The following TBX1 variants were observed in gnomAD, a reference collection of about 807,000 sequenced individuals.
TBX1 encodes the protein T-box transcription factor 1, also known as T-box transcription factor TBX1.
TBX1 carries 16 observed loss-of-function variants against 40.8 expected under a neutral mutation model. The ratio of observed to expected loss-of-function variants is 0.39; its 90% CI spans 0.27 to 0.60. TBX1 has a LOEUF of 0.60. Among genes scored for constraint, TBX1 ranks in the 20% least tolerant of loss-of-function variants. TBX1 has a pLI of 0.51. For missense variants in TBX1, 755 were observed against 728.5 expected, an observed-to-expected ratio of 1.04 and a Z score of -0.42; for synonymous variants, 403 against 336.8, an observed-to-expected ratio of 1.20 and a Z score of -2.15.
rs1936874377 is a variant in TBX1 at position 19,766,807 on chromosome 22, C to T, written c.1455C>T (p.Ala485=). ...AAAAAAAAAA[A]NMYSSAGAAP... is the part of the protein sequence containing the mutation. ...CCGCTGCCGCAGCTGCCGCGGCCGC[C>T]AACATGTACTCGTCGGCCGGAGCCG... The change falls in exon 7 of 7, where the codon GCC becomes GCT. Residue 485 remains alanine (A), a synonymous_variant. Coordinates refer to ENST00000649276, the MANE Select transcript of TBX1 (RefSeq NM_001379200.1). 6.5e-7 allele frequency: 1 copy of T among 1,536,118 alleles called. No individual in the cohort carries two copies. The highest frequency in any genetic ancestry group is 8.7e-7 in the Non-Finnish European group (1 of 1,155,614).
chr22:19,771,950 G>A (rs534487604), downstream of TBX1, among the ~76,000 whole-genome samples: 22 of 152,304 alleles, frequency 1.4e-4, no homozygotes, highest in South Asian at 4.4e-3. Flanking sequence ...TGGTGACTCC[G>A]GCTTCTGTCT....
upstream of TBX1, among the ~76,000 whole-genome samples, chr22:19,758,025 A>G (rs997694947): frequency 6.6e-5 from 10 of 152,094 alleles, no homozygotes; most frequent in African/African-American, 2.4e-4. Context: ...CACTATTCGT[A>G]TACTCACCCA....
chr22:19,768,279 C>T (rs1191263801), downstream of TBX1, among the ~76,000 whole-genome samples: 1 of 152,202 alleles, frequency 6.6e-6, no homozygotes, highest in African/African-American at 2.4e-5. Flanking sequence ...AGCCTGAGTG[C>T]CACCTCTCCG....
chr22:19,769,888 TGG>T (rs1936959643), downstream of TBX1, among the ~76,000 whole-genome samples: 1 of 152,266 alleles, frequency 6.6e-6, no homozygotes, highest in Non-Finnish European at 1.5e-5. Flanking sequence ...ACCGGGCCTA[TGG>T]TCATTTGTCC....
chr22:19,760,647 G>T (rs1337824189), upstream of TBX1, among the ~76,000 whole-genome samples: 2 of 104,516 alleles, frequency 1.9e-5, no homozygotes, highest in Admixed American at 1.7e-4. Flanking sequence ...GAGGGCCGGG[G>T]GAGGGATCTA....
chr22:19,774,123 G>A (rs1937030650), intron 8 of TBX1, among the ~76,000 whole-genome samples: 1 of 152,226 alleles, frequency 6.6e-6, no homozygotes, highest in Non-Finnish European at 1.5e-5. Context: ...AGGACATGGA[G>A]CCCCTGGAAG....
chr22:19,774,751 G>T (rs1937039779), intron 8 of TBX1, among the ~76,000 whole-genome samples: 1 of 152,188 alleles, frequency 6.6e-6, no homozygotes, highest in African/African-American at 2.4e-5. Context: ...AATTCCACTT[G>T]CATGAGGCAC....
At chr22:19,764,486 G>C (rs1486145803) in intron 3 of TBX1, among the ~76,000 whole-genome samples, 160 bp downstream of exon 3, 1 of 152,244 alleles carries the variant, frequency 6.6e-6, no homozygotes, top group African/African-American at 2.4e-5. Context: ...TGCGAGGCTA[G>C]AGGCTGAGGC....
chr22:19,764,064 C>T (rs1466702038), intron 2 of TBX1, 91 bp from the exon 3 acceptor site: 2 of 1,478,296 alleles, frequency 1.4e-6, no homozygotes, highest in Non-Finnish European at 1.9e-6. Context: ...GGGGAAACTT[C>T]TCAAAGGCAC....
chr22:19,769,786 G>A (rs1226345565), downstream of TBX1, among the ~76,000 whole-genome samples: 1 of 152,230 alleles, frequency 6.6e-6, no homozygotes, highest in African/African-American at 2.4e-5. Flanking sequence ...CGAGCGTGGA[G>A]TCCTCATGAG....
chr22:19,781,391 G>A (rs940864933), downstream of TBX1, among the ~76,000 whole-genome samples: 3 of 152,022 alleles, frequency 2.0e-5, no homozygotes, highest in South Asian at 2.1e-4. Flanking sequence ...TTTTTGAATC[G>A]GCTTTTTTGT....
intron 1 of TBX1, among the ~76,000 whole-genome samples, chr22:19,762,133 G>GT (rs1224264799): frequency 6.6e-6 from 1 of 152,226 alleles, no homozygotes; most frequent in Non-Finnish European, 1.5e-5. Flanking sequence ...CAGCTCTGTG[G>GT]TTTTTTTCCA....
chr22:19,772,390 C>G (rs899248868), intron 8 of TBX1, among the ~76,000 whole-genome samples: 3 of 152,110 alleles, frequency 2.0e-5, no homozygotes, highest in African/African-American at 7.2e-5. Context: ...ACTGTAGCCT[C>G]GAACTCCGGG....
At chr22:19,775,649 A>G (rs1937053316) in intron 8 of TBX1, among the ~76,000 whole-genome samples, 1 of 152,172 alleles carries the variant, frequency 6.6e-6, no homozygotes, top group South Asian at 2.1e-4. Context: ...TCGGAACCAC[A>G]GGTCCGGAGC....
At chr22:19,778,226 C>T (rs1046479775) in intron 8 of TBX1, among the ~76,000 whole-genome samples, 8 of 151,764 alleles carry the variant, frequency 5.3e-5, no homozygotes, top group African/African-American at 1.9e-4. Context: ...TCCCGAACAG[C>T]TAGGACTACA....
At chr22:19,764,065 T>A in intron 2 of TBX1, 90 bp from the exon 3 acceptor site, 1 of 1,484,912 alleles carries the variant, frequency 6.7e-7, no homozygotes, top group Non-Finnish European at 9.3e-7. Flanking sequence ...GGGAAACTTC[T>A]CAAAGGCACT....
chr22:19,757,083 G>A (rs1180929041), upstream of TBX1, among the ~76,000 whole-genome samples: 1 of 152,210 alleles, frequency 6.6e-6, no homozygotes, highest in Non-Finnish European at 1.5e-5. Context: ...AGGGCTCCTG[G>A]AGGGTCCCAG....
Position 19,766,758 on chromosome 22 carries a change from G to A in TBX1, c.1406G>A (p.Ser469Asn). The change falls in exon 7 of 7, where the codon AGT becomes AAT. Residue 469 changes from serine to asparagine, a missense_variant. Coordinates refer to ENST00000649276, the MANE Select transcript of TBX1 (RefSeq NM_001379200.1). Reference protein sequence around the residue: ...AHPHHHHHPVSPAAAAAAAAA... With the variant: ...AHPHHHHHPVNPAAAAAAAAA... ...CCGCACCACCACCACCACCCCGTGA[G>A]TCCAGCCGCCGCGGCCGCCGCCGCC... 1 of 1,504,702 alleles carries A rather than the reference G, an allele frequency of 6.6e-7. No individual in the cohort carries two copies. The allele number at this position is 1,504,702 out of a possible 1,614,324, so 93.2% of individuals were successfully genotyped here.
intron 1 of TBX1, among the ~76,000 whole-genome samples, chr22:19,762,673 CTT>C (rs1206299505): frequency 6.6e-6 from 1 of 152,028 alleles, no homozygotes; most frequent in East Asian, 1.9e-4. Context: ...TGGGGAGACT[CTT>C]ATCATGGGGC....
Sources: allele counts gnomAD v4.1 joint callset (sites outside exome capture counted in the v4.1 genomes callset), GRCh38; gene constraint gnomAD v4.1.1; transcripts MANE v1.5; gene names NCBI Gene and HGNC (gene_info 2026-07-23, HGNC 2026-07-21).